Variants in CACNA1I observed in about 807,000 individuals in gnomAD.
CACNA1I encodes calcium voltage-gated channel subunit alpha1 I, also known as voltage-dependent T-type calcium channel subunit alpha-1I.
CACNA1I carries 74 observed loss-of-function variants against 201.6 expected under a neutral mutation model. That is an observed-to-expected ratio of 0.37 (90% CI 0.30 to 0.45). CACNA1I has a LOEUF of 0.45. CACNA1I is among the 20% of genes least tolerant of loss of function. CACNA1I has a pLI of 1.00. For synonymous variants in CACNA1I, 1,431 were observed against 1,345.2 expected (o/e 1.06, Z -1.40); for missense variants, 2,346 against 3,138.1 (o/e 0.75, Z 6.03).
At chr22:39,653,832 G>A (rs928390445) in intron 10 of CACNA1I, among the ~76,000 whole-genome samples, 6 of 152,230 alleles carry the variant, frequency 3.9e-5, no homozygotes. Flanking sequence ...CATGGCAGCA[G>A]ATGCTGTTTC....
chr22:39,621,897 C>T (rs1404463227), intron 4 of CACNA1I, among the ~76,000 whole-genome samples: 3 of 152,140 alleles, frequency 2.0e-5, no homozygotes, highest in African/African-American at 7.2e-5. Context: ...CTGTCCTCAT[C>T]CCCTCCAATC....
chr22:39,589,082 C>T (rs1304302219), intron 1 of CACNA1I, among the ~76,000 whole-genome samples: 1 of 152,158 alleles, frequency 6.6e-6, no homozygotes, highest in Non-Finnish European at 1.5e-5. Context: ...TGGTCTCTAC[C>T]CACTAGATGC....
chr22:39,598,348 A>T lies in CACNA1I; in HGVS notation c.348+86A>T, dbSNP rs1227396538. On this transcript the variant is annotated intron_variant, in intron 2 of 36. Coordinates refer to ENST00000402142, the MANE Select transcript of CACNA1I (RefSeq NM_021096.4). Reference sequence around the variant, plus strand: ...CCCGCCCACTCCACACCCCCGCCCCATGTCCTGGCCTTGCCCCGCCCACTC... The same window carrying T: ...CCCGCCCACTCCACACCCCCGCCCCTTGTCCTGGCCTTGCCCCGCCCACTC... 1.8e-4 allele frequency: 76 copies of T among 426,774 alleles called. 1 individual carries two copies. In the African/African-American group the frequency reaches 3.3e-3, roughly 19 times the overall value. The allele number at this position is 426,774 out of a possible 1,614,324, so 26.4% of individuals were successfully genotyped here.
intron 1 of CACNA1I, among the ~76,000 whole-genome samples, chr22:39,585,658 G>A (rs1444842001): frequency 6.8e-6 from 1 of 146,310 alleles, no homozygotes; most frequent in African/African-American, 2.5e-5. Context: ...AAAGTGCTGG[G>A]TGAGATTATA....
At chr22:39,662,623 C>CG (rs1935062512) in intron 17 of CACNA1I, among the ~76,000 whole-genome samples, 153 bp from the exon 18 acceptor site, 1 of 151,998 alleles carries the variant, frequency 6.6e-6, no homozygotes, top group South Asian at 2.1e-4. Flanking sequence ...TGAGCTGGGC[C>CG]GGCTCCTGGG....
At chr22:39,616,764 CAAAAAAA>C (rs66551782) in intron 3 of CACNA1I, among the ~76,000 whole-genome samples, 4 of 107,380 alleles carry the variant, frequency 3.7e-5, no homozygotes, top group East Asian at 4.4e-4. Flanking sequence ...AACTCTGTCT[CAAAAAAA>C]AAAAAAAAAA....
chr22:39,664,673 G>A (rs1045341830), intron 20 of CACNA1I, 66 bp from the exon 21 acceptor site: 58 of 386,638 alleles, frequency 1.5e-4, no homozygotes, highest in Non-Finnish European at 2.6e-4. Context: ...CATAGAGCCC[G>A]GTTGGCCCCG....
chr22:39,591,350 C>T (rs1021284930), intron 1 of CACNA1I, among the ~76,000 whole-genome samples: 3 of 149,212 alleles, frequency 2.0e-5, no homozygotes, highest in African/African-American at 5.0e-5. Context: ...TTAGTAGAGA[C>T]GGGGTTTCAC....
chr22:39,658,203 A>G lies in CACNA1I; in HGVS notation c.2044A>G (p.Met682Val), dbSNP rs1235592404. 2.4e-5 allele frequency: 38 copies of G among 1,613,860 alleles called. No individual in the cohort carries two copies. The highest frequency in any genetic ancestry group is 3.1e-5 in the Non-Finnish European group (36 of 1,179,874). ...GATCTGCAATGTGGTCTTCACCAGC[A>G]TGTTTGCCCTGGAGATGATCCTGAA... Reference protein sequence around the residue: ...LEICNVVFTSMFALEMILKLA... With the variant: ...LEICNVVFTSVFALEMILKLA... Residue 682 changes from methionine to valine, a missense_variant, in exon 11 of 37, where the codon ATG becomes GTG. Coordinates refer to ENST00000402142, the MANE Select transcript of CACNA1I (RefSeq NM_021096.4).
chr22:39,586,650 C>T (rs980458608), intron 1 of CACNA1I, among the ~76,000 whole-genome samples: 1 of 152,312 alleles, frequency 6.6e-6, no homozygotes, highest in South Asian at 2.1e-4. Context: ...TCTGTGTGCA[C>T]ACGTGTATAA....
Position 39,677,258 on chromosome 22 carries a change from C to A in CACNA1I, c.4855-83C>A. On this transcript the variant is annotated intron_variant, in intron 29 of 36. Transcript: ENST00000402142. This position sits in a 1 kb window ranked among gnomAD's most constrained non-coding sequence, Gnocchi z 4.8. ...CTGACCCACAGGCTGCCCAACCCCA[C>A]TGCCCCAGCCTCCACCCTTCCCAGG... 1 of 911,032 alleles carries A rather than the reference C, an allele frequency of 1.1e-6. No homozygotes were observed. The highest frequency in any genetic ancestry group is 1.7e-6 in the Non-Finnish European group (1 of 586,214). The allele number at this position is 911,032 out of a possible 1,614,324, so 56.4% of individuals were successfully genotyped here.
chr22:39,638,079 G>A (rs1452920683), intron 5 of CACNA1I, among the ~76,000 whole-genome samples: 3 of 152,054 alleles, frequency 2.0e-5, no homozygotes, highest in African/African-American at 4.8e-5. Context: ...GATTACAGAC[G>A]CATGCCACCA....
At chr22:39,638,669 T>C (rs544812422) in intron 5 of CACNA1I, among the ~76,000 whole-genome samples, 2 of 152,284 alleles carry the variant, frequency 1.3e-5, no homozygotes, top group South Asian at 4.2e-4. Flanking sequence ...GTCTTTTTTT[T>C]CCCCCTAGTG....
At chr22:39,678,953 G>A (rs926063155) in intron 31 of CACNA1I, among the ~76,000 whole-genome samples, 154 bp from the exon 32 acceptor site, 1 of 152,148 alleles carries the variant, frequency 6.6e-6, no homozygotes, top group Non-Finnish European at 1.5e-5. Flanking sequence ...GGCAGATGCC[G>A]CAACAAGGCA....
chr22:39,630,677 T>A (rs1934035771), intron 4 of CACNA1I, among the ~76,000 whole-genome samples: 1 of 151,710 alleles, frequency 6.6e-6, no homozygotes, highest in African/African-American at 2.4e-5. Flanking sequence ...GGAGGGCGGG[T>A]GGGCAGCAGT....
intron 4 of CACNA1I, among the ~76,000 whole-genome samples, chr22:39,627,466 G>A (rs1046283533): frequency 6.6e-6 from 1 of 152,236 alleles, no homozygotes. Context: ...CGGGCAGGAT[G>A]GCACTGTGGT....
In CACNA1I at chr22:39,659,487, A is replaced by C; in HGVS notation, c.2385A>C (p.Gly795=). ...AGTTCAGCCTCCGCACGGACACTGGAGACACGGTGCCCGACAGGAAGAACT... is the reference window on the plus strand; with the variant it reads ...AGTTCAGCCTCCGCACGGACACTGGCGACACGGTGCCCGACAGGAAGAACT... The part of the protein sequence containing the change: ...GCKFSLRTDT[G]DTVPDRKNFD... Residue 795 remains glycine (G), a synonymous_variant, in exon 13 of 37, where the codon GGA becomes GGC. Transcript: ENST00000402142. The surrounding 1 kb of genome is among the most constrained non-coding windows in gnomAD (Gnocchi z 4.3). The C allele has an allele frequency of 6.3e-7, 1 of 1,585,352 alleles. No individual in the cohort carries two copies. The highest frequency in any genetic ancestry group is 1.1e-5 in the South Asian group (1 of 87,918).
chr22:39,583,775 A>G (rs1250675679), intron 1 of CACNA1I, among the ~76,000 whole-genome samples: 1 of 152,240 alleles, frequency 6.6e-6, no homozygotes, highest in African/African-American at 2.4e-5. Flanking sequence ...AACCACTCAC[A>G]AGGCCTTTTG....
intron 33 of CACNA1I, among the ~76,000 whole-genome samples, chr22:39,680,073 G>A (rs932101187): frequency 1.2e-4 from 19 of 152,180 alleles, no homozygotes; most frequent in Admixed American, 3.3e-4. Context: ...CACAGCTGCC[G>A]ACCCCAGCAC....
Sources: gnomAD v4.1 joint callset for allele counts (sites outside exome capture counted in the v4.1 genomes callset) on GRCh38, gnomAD v4.1.1 for gene constraint, Gnocchi (gnomAD v3.1) non-coding constraint, MANE v1.5 for transcripts, NCBI Gene and HGNC (gene_info 2026-07-23, HGNC 2026-07-21) for gene names.